The following FANCC variants were observed in gnomAD, a reference collection of about 807,000 sequenced individuals.
The protein encoded by FANCC is Fanconi anemia group C protein.
FANCC carries 55 observed loss-of-function variants against 71.3 expected under a neutral mutation model. The ratio of observed to expected loss-of-function variants is 0.77; its 90% CI spans 0.62 to 0.97. FANCC has a LOEUF of 0.97. Ranked by LOEUF, FANCC falls within the 50% of genes least tolerant of loss-of-function variation. The pLI is 0.00. For missense variants in FANCC, 678 were observed against 670.9 expected, an observed-to-expected ratio of 1.01 and a Z score of -0.12; for synonymous variants, 275 against 244.9, an observed-to-expected ratio of 1.12 and a Z score of -1.15.
Position 95,113,000 on chromosome 9 carries a change from TCAATCACAGGGTGGGCTGTTTATGCCAC to T in FANCC, c.1155-1391_1155-1364del, listed in dbSNP as rs566678972. Among the ~76,000 whole-genome samples, 5 of 152,304 alleles carry T rather than the reference TCAATCACAGGGTGGGCTGTTTATGCCAC, an allele frequency of 3.3e-5. No homozygotes were observed. In the South Asian group the frequency reaches 1.0e-3, roughly 32 times the overall value. On this transcript the variant is annotated intron_variant, in intron 12 of 14. Transcript: ENST00000289081. ...CAGGGCACCCACTGCACAACATGTCTCAATCACAGGGTGGGCTGTTTATGCCACCTGCATCTACGTCCTGTCCCCGAGT... is the reference window on the plus strand; with the variant it reads ...CAGGGCACCCACTGCACAACATGTCTCTGCATCTACGTCCTGTCCCCGAGT...
chr9:95,296,303 T>C (rs185712898), intron 1 of FANCC, among the ~76,000 whole-genome samples: 8 of 152,290 alleles, frequency 5.3e-5, no homozygotes, highest in South Asian at 2.1e-4. Flanking sequence ...AGAGGTTTCA[T>C]TGCCTGAAAA....
chr9:95,286,128 C>T (rs566358244), intron 1 of FANCC, among the ~76,000 whole-genome samples: 1 of 152,296 alleles, frequency 6.6e-6, no homozygotes, highest in East Asian at 1.9e-4. Context: ...CAAACATATA[C>T]ATATACAACC....
intron 1 of FANCC, chr9:95,293,576 C>T (rs766348664): frequency 4.5e-5 from 72 of 1,613,766 alleles, no homozygotes; most frequent in Non-Finnish European, 5.8e-5. Flanking sequence ...CTTCAATCAA[C>T]GTGCAGACAG....
chr9:95,202,132 A>G (rs1827845343), intron 4 of FANCC, among the ~76,000 whole-genome samples: 1 of 152,232 alleles, frequency 6.6e-6, no homozygotes, highest in Admixed American at 6.5e-5. Flanking sequence ...TGTTAAATAT[A>G]TAAAACTGCT....
At chr9:95,229,845 A>G (rs1398957086) in intron 4 of FANCC, among the ~76,000 whole-genome samples, 1 of 152,162 alleles carries the variant, frequency 6.6e-6, no homozygotes, top group Non-Finnish European at 1.5e-5. Context: ...ATCTTGTAAC[A>G]GATCAGTTCA....
intron 7 of FANCC, among the ~76,000 whole-genome samples, chr9:95,142,050 T>C (rs1379560068): frequency 3.3e-5 from 4 of 121,574 alleles, no homozygotes; most frequent in African/African-American, 1.2e-4. Context: ...TGGAGTGCAA[T>C]GGCACGATCT....
intron 4 of FANCC, among the ~76,000 whole-genome samples, chr9:95,237,362 A>C (rs1372328233): frequency 6.6e-6 from 1 of 152,198 alleles, no homozygotes; most frequent in African/African-American, 2.4e-5. Flanking sequence ...GAAAGAGTGA[A>C]GTTTATTATC....
At chr9:95,155,284 A>AGG (rs1830400638) in intron 6 of FANCC, among the ~76,000 whole-genome samples, 2 of 7,218 alleles carry the variant, frequency 2.8e-4, no homozygotes, top group African/African-American at 5.9e-4. Flanking sequence ...GGGGAGGGGA[A>AGG]GGAAGGGGAC....
rs1436168092 is a variant in FANCC at position 95,100,915 on chromosome 9, C to T, written c.*792G>A. On this transcript the variant is annotated 3_prime_UTR_variant, in exon 15 of 15. Transcript: ENST00000289081. ...AAAGTGCTGGGATCACAGGTGTGAG[C>T]CACTGCACCCAGCCAGGCCAATTCT... 1.7e-5 allele frequency: 4 copies of T among 232,786 alleles called. No individual in the cohort carries two copies. Among genetic ancestry groups the T allele is most frequent in the Admixed American group, 1.1e-4 (2 of 17,768 alleles). The allele number at this position is 232,786 out of a possible 1,614,324, so 14.4% of individuals were successfully genotyped here. A position where few individuals can be genotyped will look rare whatever the true frequency, so the allele number is the denominator to read the frequency against.
chr9:95,127,677 G>T (rs993200837), intron 8 of FANCC, among the ~76,000 whole-genome samples: 5 of 152,232 alleles, frequency 3.3e-5, no homozygotes, highest in African/African-American at 1.2e-4. Context: ...CATTTGATAT[G>T]ACTAGCTTTG....
intron 4 of FANCC, among the ~76,000 whole-genome samples, chr9:95,226,698 G>C (rs947552334): frequency 6.6e-6 from 1 of 152,194 alleles, no homozygotes; most frequent in Non-Finnish European, 1.5e-5. Flanking sequence ...CGGGTTCCCA[G>C]AGAAGACAGA....
At chr9:95,267,235 T>A (rs148562716) in intron 1 of FANCC, among the ~76,000 whole-genome samples, 6 of 152,250 alleles carry the variant, frequency 3.9e-5, no homozygotes, top group Non-Finnish European at 8.8e-5. Flanking sequence ...AGGTGCTGAC[T>A]AGAGCCCTAC....
In FANCC at chr9:95,292,467, C is replaced by T. The variant is rs909920039; in HGVS notation, c.-79+25059G>A. 8 of 1,310,020 alleles carry T rather than the reference C, an allele frequency of 6.1e-6. No individual in the cohort carries two copies. The Admixed American group carries it at 1.6e-4, about 26-fold the overall frequency. 81.1% of individuals were successfully genotyped at this position (1,310,020 alleles called of 1,614,324 possible). A position where few individuals can be genotyped will look rare whatever the true frequency, so the allele number is the denominator to read the frequency against. On this transcript the variant is annotated intron_variant, in intron 1 of 14. Coordinates refer to ENST00000289081, the MANE Select transcript of FANCC (RefSeq NM_000136.3). ...CCCGTGGGTGCCCCCGGGACCCCGA[C>T]TGAGGGGCAGCCGGCCGCGGCCCGC...
chr9:95,183,684 T>C (rs1309438866), intron 4 of FANCC, among the ~76,000 whole-genome samples: 2 of 152,206 alleles, frequency 1.3e-5, no homozygotes, highest in East Asian at 3.9e-4. Flanking sequence ...TGTACTTTCA[T>C]TGGCTACGGT....
At chr9:95,116,029 A>G (rs1389935482) in intron 11 of FANCC, among the ~76,000 whole-genome samples, 2 of 152,278 alleles carry the variant, frequency 1.3e-5, no homozygotes, top group Non-Finnish European at 2.9e-5. Flanking sequence ...AACTAGCACA[A>G]GAGGTTCTTG....
At chr9:95,134,802 A>G (rs1465675593) in intron 8 of FANCC, among the ~76,000 whole-genome samples, 1 of 152,218 alleles carries the variant, frequency 6.6e-6, no homozygotes, top group Non-Finnish European at 1.5e-5. Context: ...TGGAGTCCCC[A>G]GCTGCACAGT....
intron 1 of FANCC, among the ~76,000 whole-genome samples, chr9:95,261,483 A>G (rs1648698180): frequency 6.6e-6 from 1 of 152,254 alleles, no homozygotes; most frequent in South Asian, 2.1e-4. Context: ...AAAACTCAGG[A>G]TGTTAACAAG....
intron 7 of FANCC, among the ~76,000 whole-genome samples, chr9:95,142,807 C>T (rs1265508470): frequency 6.6e-6 from 1 of 152,168 alleles, no homozygotes; most frequent in Non-Finnish European, 1.5e-5. Context: ...ATGTCAGTCA[C>T]TCCCACTACT....
At chr9:95,293,008 G>A in intron 1 of FANCC, 1 of 1,583,554 alleles carries the variant, frequency 6.3e-7, no homozygotes, top group Non-Finnish European at 8.7e-7. Context: ...GACCCACCTA[G>A]TAAGAAAAGG....
Sources: gnomAD v4.1 joint callset for allele counts (sites outside exome capture counted in the v4.1 genomes callset) on GRCh38, gnomAD v4.1.1 for gene constraint, MANE v1.5 for transcripts, NCBI Gene and HGNC (gene_info 2026-07-23, HGNC 2026-07-21) for gene names.